TEAD1: variants seen among roughly 807,000 people sequenced by gnomAD.
TEAD1 encodes the protein transcriptional enhancer factor TEF-1.
In TEAD1, 9 loss-of-function variants were observed where a neutral mutation model predicts 54.9. That is an observed-to-expected ratio of 0.16 (90% CI 0.10 to 0.29). The LOEUF (loss-of-function observed/expected upper bound fraction) is 0.29, where lower values mean the gene tolerates loss of function less well. Among genes scored for constraint, TEAD1 ranks in the 10% least tolerant of loss-of-function variants. The pLI is 1.00. For missense variants in TEAD1, 387 were observed against 535.9 expected, an observed-to-expected ratio of 0.72 and a Z score of 2.74; for synonymous variants, 200 against 187.8, an observed-to-expected ratio of 1.07 and a Z score of -0.53.
chr11:12,817,113 GTTTC>G (rs1399532947), intron 3 of TEAD1, among the ~76,000 whole-genome samples: 2 of 152,194 alleles, frequency 1.3e-5, no homozygotes, highest in African/African-American at 4.8e-5. Context: ...CTTTGCCTTT[GTTTC>G]TTCAGGCCTT....
At chr11:12,921,392 T>G (rs866877700) in intron 10 of TEAD1, 1 of 151,938 alleles carries the variant, frequency 6.6e-6, no homozygotes, top group Middle Eastern at 3.4e-3. Flanking sequence ...CAAAAAAAAT[T>G]ATCCGGGCAT....
At position 12,730,027 on chromosome 11, in the gene TEAD1, T is replaced by C. The variant is rs77491993; in HGVS notation, c.-54-34152T>C. 2.3e-3 allele frequency among the ~76,000 whole-genome samples: 344 copies of C among 152,232 alleles called. 1 individual carries two copies. The highest frequency in any genetic ancestry group is 7.4e-3 in the African/African-American group (309 of 41,490). On this transcript the variant is annotated intron_variant, in intron 2 of 12. Coordinates refer to ENST00000527636, the MANE Select transcript of TEAD1 (RefSeq NM_021961.6). ...TTACCTAAGGTAACTGGGTCTAACA[T>C]AGGTGACCACAACTTCCCTCCTGTT...
At chr11:12,805,929 A>G (rs1391939402) in intron 3 of TEAD1, among the ~76,000 whole-genome samples, 1 of 152,010 alleles carries the variant, frequency 6.6e-6, no homozygotes, top group Non-Finnish European at 1.5e-5. Context: ...TATTTTTAAT[A>G]CCTGAATTGA....
chr11:12,868,290 C>T (rs1420061592), intron 5 of TEAD1, among the ~76,000 whole-genome samples: 1 of 152,182 alleles, frequency 6.6e-6, no homozygotes, highest in Non-Finnish European at 1.5e-5. Flanking sequence ...GCCTCTTAGG[C>T]TATTCCATTG....
intron 2 of TEAD1, among the ~76,000 whole-genome samples, chr11:12,729,683 C>T (rs1432366691): frequency 6.6e-6 from 1 of 152,170 alleles, no homozygotes. Context: ...GGAGATGGTG[C>T]TTGGGCCATG....
chr11:12,688,535 C>T (rs183342879), intron 2 of TEAD1, among the ~76,000 whole-genome samples: 4 of 152,224 alleles, frequency 2.6e-5, no homozygotes. Context: ...TAAATTCTTC[C>T]TAGGTGGTTC....
At chr11:12,822,502 C>T (rs1946573598) in intron 3 of TEAD1, 1 of 152,224 alleles carries the variant, frequency 6.6e-6, no homozygotes, top group Non-Finnish European at 1.5e-5. Flanking sequence ...CTAAGCTTCC[C>T]ATCCTCAGCT....
intron 2 of TEAD1, among the ~76,000 whole-genome samples, chr11:12,682,780 C>T (rs1943249573): frequency 6.6e-6 from 1 of 152,126 alleles, no homozygotes; most frequent in South Asian, 2.1e-4. Context: ...CCCTGCCCGG[C>T]AGAGTTTACA....
chr11:12,719,819 T>C (rs1340798404), intron 2 of TEAD1, among the ~76,000 whole-genome samples: 2 of 151,864 alleles, frequency 1.3e-5, no homozygotes, highest in African/African-American at 4.8e-5. Context: ...AAAATTATGG[T>C]TTGTGAAAAA....
chr11:12,746,711 G>C (rs182720074), intron 2 of TEAD1, among the ~76,000 whole-genome samples: 22 of 152,256 alleles, frequency 1.4e-4, no homozygotes, highest in Admixed American at 6.5e-4. Flanking sequence ...GCCCGCATGC[G>C]TGGTTTAGGC....
intron 2 of TEAD1, among the ~76,000 whole-genome samples, chr11:12,753,236 T>C (rs1438567328): frequency 6.6e-6 from 1 of 152,210 alleles, no homozygotes; most frequent in East Asian, 1.9e-4. Flanking sequence ...TTCCTATACC[T>C]GTCTTTTGGT....
chr11:12,916,033 G>A (rs1290557179), intron 10 of TEAD1, among the ~76,000 whole-genome samples: 1 of 152,052 alleles, frequency 6.6e-6, no homozygotes, highest in Non-Finnish European at 1.5e-5. Flanking sequence ...GTTGCTGTCC[G>A]CTTCCTCTGC....
intron 10 of TEAD1, among the ~76,000 whole-genome samples, chr11:12,903,170 T>G (rs1948454070): frequency 6.6e-6 from 1 of 152,162 alleles, no homozygotes; most frequent in Non-Finnish European, 1.5e-5. Flanking sequence ...TTGCCTCAGC[T>G]CCACCTAGGA....
At chr11:12,930,931 A>G (rs1280387697) in intron 12 of TEAD1, among the ~76,000 whole-genome samples, 1 of 152,246 alleles carries the variant, frequency 6.6e-6, no homozygotes, top group African/African-American at 2.4e-5. Context: ...AATGCATGGA[A>G]TGCAGTGACC....
chr11:12,761,679 A>G (rs1219103527), intron 2 of TEAD1, among the ~76,000 whole-genome samples: 2 of 152,160 alleles, frequency 1.3e-5, no homozygotes, highest in Admixed American at 6.5e-5. Flanking sequence ...CTGGAAGACA[A>G]TTAGGATCCT....
chr11:12,852,461 T>G (rs1385647463), intron 3 of TEAD1, among the ~76,000 whole-genome samples: 1 of 151,374 alleles, frequency 6.6e-6, no homozygotes, highest in African/African-American at 2.4e-5. Flanking sequence ...TTTTTTTTTT[T>G]TTTCGAGACA....
At chr11:12,754,818 G>C (rs534406332) in intron 2 of TEAD1, among the ~76,000 whole-genome samples, 27 of 152,320 alleles carry the variant, frequency 1.8e-4, no homozygotes, top group African/African-American at 6.5e-4. Flanking sequence ...CAGGAGTGAA[G>C]TGTGGATTTC....
At chr11:12,851,136 GA>G (rs1005155220) in intron 3 of TEAD1, 340 of 955,380 alleles carry the variant, frequency 3.6e-4, no homozygotes, top group Non-Finnish European at 4.0e-4. Context: ...GACACGGAAA[GA>G]AAAAAACTAT....
At chr11:12,812,725 C>T (rs1344354350) in intron 3 of TEAD1, among the ~76,000 whole-genome samples, 2 of 152,202 alleles carry the variant, frequency 1.3e-5, no homozygotes, top group East Asian at 1.9e-4. Context: ...TGTGAATCCA[C>T]TACATCCAGA....
Sources: gnomAD v4.1 joint callset for allele counts (sites outside exome capture counted in the v4.1 genomes callset) on GRCh38, gnomAD v4.1.1 for gene constraint, MANE v1.5 for transcripts, NCBI Gene and HGNC (gene_info 2026-07-23, HGNC 2026-07-21) for gene names.